Variants in KIAA0319L observed in about 807,000 individuals in gnomAD.
KIAA0319L encodes dyslexia-associated protein KIAA0319-like protein.
Under a neutral mutation model 120.1 loss-of-function variants are expected in KIAA0319L, and 55 were observed. That is an observed-to-expected ratio of 0.46 (90% confidence interval 0.37 to 0.57). The LOEUF (loss-of-function observed/expected upper bound fraction) is 0.57, where lower values mean the gene tolerates loss of function less well. Ranked by LOEUF, KIAA0319L falls within the 20% of genes least tolerant of loss-of-function variation. The pLI, the probability that KIAA0319L is intolerant of heterozygous loss-of-function variation, is 0.00. For synonymous variants in KIAA0319L, 398 were observed against 471.9 expected, an observed-to-expected ratio of 0.84 and a Z score of 2.03; for missense variants, 1,049 against 1,255.3, an observed-to-expected ratio of 0.84 and a Z score of 2.48.
At chr1:35,507,186 C>T (rs761655058) in intron 2 of KIAA0319L, 51 bp from the exon 3 acceptor site, 9 of 1,496,298 alleles carry the variant, frequency 6.0e-6, no homozygotes, top group Non-Finnish European at 8.0e-6. Context: ...ACAGAGACTA[C>T]TGCTCCATAA....
At chr1:35,479,342 A>C in intron 3 of KIAA0319L, 130 bp from the exon 4 acceptor site, 2 of 696,242 alleles carry the variant, frequency 2.9e-6, no homozygotes, top group Non-Finnish European at 4.7e-6. Flanking sequence ...TAAAGAAACT[A>C]ATCTCACCAC....
At chr1:35,497,874 G>A (rs962576327) in intron 3 of KIAA0319L, among the ~76,000 whole-genome samples, 1 of 152,194 alleles carries the variant, frequency 6.6e-6, no homozygotes, top group African/African-American at 2.4e-5. Context: ...CAGATTCCCA[G>A]AAGTAGAAGA....
chr1:35,544,193 C>A (rs1447345808), intron 2 of KIAA0319L, among the ~76,000 whole-genome samples: 1 of 151,944 alleles, frequency 6.6e-6, no homozygotes, highest in Non-Finnish European at 1.5e-5. Context: ...CACAGTGAAA[C>A]CCCATCTCTA....
At chr1:35,447,741 T>G (rs79861827) in intron 16 of KIAA0319L, among the ~76,000 whole-genome samples, 7,279 of 152,056 alleles carry the variant, frequency 0.048, 418 homozygotes, top group East Asian at 0.25. Context: ...CTGGCTAATT[T>G]TTAAATCTTC....
chr1:35,517,094 T>G (rs556646568), intron 2 of KIAA0319L, among the ~76,000 whole-genome samples: 2 of 152,166 alleles, frequency 1.3e-5, no homozygotes, highest in Non-Finnish European at 2.9e-5. Flanking sequence ...GCCATGCTCA[T>G]GAATAGGAAG....
intron 20 of KIAA0319L, among the ~76,000 whole-genome samples, chr1:35,436,297 G>A (rs931033997): frequency 2.6e-5 from 4 of 152,238 alleles, no homozygotes; most frequent in African/African-American, 9.6e-5. Context: ...CCTTGTCCAT[G>A]TACAGCTGTG....
intron 18 of KIAA0319L, 80 bp from the exon 19 acceptor site, chr1:35,442,416 G>A: frequency 9.3e-7 from 1 of 1,071,680 alleles, no homozygotes; most frequent in Non-Finnish European, 1.5e-6. Context: ...GCTTGGGCAG[G>A]TGTGGCTTCA....
intron 3 of KIAA0319L, among the ~76,000 whole-genome samples, chr1:35,484,806 A>ATATATATATT (rs1381080295): frequency 2.3e-5 from 2 of 86,242 alleles, no homozygotes; most frequent in Non-Finnish European, 4.3e-5. Flanking sequence ...ATATATATAT[A>ATATATATATT]TTTTTTTTTT....
intron 2 of KIAA0319L, among the ~76,000 whole-genome samples, chr1:35,508,924 T>C (rs1050512635): frequency 3.0e-4 from 45 of 152,196 alleles, no homozygotes; most frequent in African/African-American, 1.0e-3. Flanking sequence ...ACTTCTGCTC[T>C]TGAAGAAGGA....
chr1:35,485,185 T>C (rs2148335954), intron 3 of KIAA0319L, among the ~76,000 whole-genome samples: 1 of 152,316 alleles, frequency 6.6e-6, no homozygotes, highest in South Asian at 2.1e-4. Flanking sequence ...GGAGTAGCTA[T>C]CGATTGTTTT....
intron 2 of KIAA0319L, among the ~76,000 whole-genome samples, chr1:35,551,924 C>T (rs1647230639): frequency 6.6e-6 from 1 of 152,090 alleles, no homozygotes; most frequent in Non-Finnish European, 1.5e-5. Context: ...CACAATGAGC[C>T]TACAATGCTG....
intron 4 of KIAA0319L, among the ~76,000 whole-genome samples, chr1:35,477,490 A>AT (rs1236899177): frequency 6.6e-6 from 1 of 152,052 alleles, no homozygotes; most frequent in Non-Finnish European, 1.5e-5. Context: ...ACACGGTGAA[A>AT]CCGCATCTCT....
intron 2 of KIAA0319L, among the ~76,000 whole-genome samples, chr1:35,540,698 T>C (rs1238583169): frequency 6.6e-6 from 1 of 152,220 alleles, no homozygotes; most frequent in South Asian, 2.1e-4. Flanking sequence ...TAAGACCAGC[T>C]TGAGACATCA....
chr1:35,529,282 C>G (rs971244290), intron 2 of KIAA0319L, among the ~76,000 whole-genome samples: 1 of 152,206 alleles, frequency 6.6e-6, no homozygotes, highest in Non-Finnish European at 1.5e-5. Context: ...TTACTACTGT[C>G]ATTTTGTTAA....
At chr1:35,444,665 C>G (rs1459355486) in intron 16 of KIAA0319L, among the ~76,000 whole-genome samples, 1 of 152,232 alleles carries the variant, frequency 6.6e-6, no homozygotes, top group East Asian at 1.9e-4. Context: ...CTCCATCTAA[C>G]TGGAGGATGA....
intron 2 of KIAA0319L, among the ~76,000 whole-genome samples, chr1:35,526,418 T>C (rs542914012): frequency 4.0e-3 from 567 of 141,876 alleles, no homozygotes; most frequent in Non-Finnish European, 5.6e-3. Flanking sequence ...TATACACACA[T>C]ACATATATAT....
At chr1:35,556,495 C>T (rs1287270757) in intron 1 of KIAA0319L, 4 of 152,184 alleles carry the variant, frequency 2.6e-5, no homozygotes, top group African/African-American at 9.7e-5. Context: ...TATTTGCAGA[C>T]ACTGTTTTCC....
chr1:35,557,657 C>T (rs924273012), upstream of KIAA0319L: 69 of 457,130 alleles, frequency 1.5e-4, no homozygotes, highest in Non-Finnish European at 2.5e-4. Flanking sequence ...GCAATACCCA[C>T]AAGCAAGATG....
At chr1:35,446,291 C>G (rs1346169022) in intron 16 of KIAA0319L, among the ~76,000 whole-genome samples, 1 of 152,198 alleles carries the variant, frequency 6.6e-6, no homozygotes, top group Non-Finnish European at 1.5e-5. Flanking sequence ...CATCCCCTAT[C>G]TCCACCATCT....
Sources: allele counts gnomAD v4.1 joint callset (sites outside exome capture counted in the v4.1 genomes callset), GRCh38; gene constraint gnomAD v4.1.1; transcripts MANE v1.5; gene names NCBI Gene and HGNC (gene_info 2026-07-23, HGNC 2026-07-21).